ERBIN: variants seen among roughly 807,000 people sequenced by gnomAD.
ERBIN encodes densin-180-like protein.
In ERBIN, 60 loss-of-function variants were observed where a neutral mutation model predicts 158.4. The observed-to-expected ratio is 0.38, with a 90% confidence interval of 0.31 to 0.47. The LOEUF (loss-of-function observed/expected upper bound fraction) is 0.47. Among genes scored for constraint, ERBIN ranks in the 20% least tolerant of loss-of-function variants. The pLI is 0.99. For synonymous variants in ERBIN, 594 were observed against 557.2 expected (o/e 1.07, Z -0.93); for missense variants, 1,610 against 1,648.0 (o/e 0.98, Z 0.40).
In ERBIN at chr5:66,053,847, T is replaced by C. The variant is rs771089551; in HGVS notation, c.2529T>C (p.Cys843=). The C allele has an allele frequency of 6.2e-7, 1 of 1,614,130 alleles. No individual in the cohort carries two copies. Among genetic ancestry groups the C allele is most frequent in the Admixed American group, 1.7e-5 (1 of 60,018 alleles). The part of the protein sequence containing the change: ...PNRTEPHDSD[C]SVDLGISKST... ...GGACTGAACCACATGACAGTGATTG[T>C]TCTGTTGACTTAGGTATTTCCAAAA... is the stretch of plus-strand genomic sequence containing the variant. The change falls in exon 21 of 26, where the codon TGT becomes TGC. Residue 843 remains cysteine (C), a synonymous_variant. Coordinates refer to ENST00000284037, the MANE Select transcript of ERBIN (RefSeq NM_001253697.2).
At chr5:65,957,368 T>G (rs1305690984) in intron 1 of ERBIN, among the ~76,000 whole-genome samples, 1 of 152,176 alleles carries the variant, frequency 6.6e-6, no homozygotes, top group African/African-American at 2.4e-5. Flanking sequence ...CCCTGGGGCC[T>G]TCCGCAGTGT....
chr5:65,996,755 G>T (rs1203666950), intron 4 of ERBIN, among the ~76,000 whole-genome samples: 1 of 152,120 alleles, frequency 6.6e-6, no homozygotes, highest in Admixed American at 6.5e-5. Context: ...TTTGAAGTCC[G>T]TGAACACAGG....
Position 66,080,021 on chromosome 5 carries a change from C to A in ERBIN, c.*1491C>A, listed in dbSNP as rs558022241. On this transcript the variant is annotated 3_prime_UTR_variant, in exon 26 of 26. Coordinates refer to ENST00000284037, the MANE Select transcript of ERBIN (RefSeq NM_001253697.2). ...AAGACCAATAACTGTTTAGTTGAGG[C>A]TAGTCTGGAACCTTTCATTAGAGCA... The A allele has an allele frequency of 2.9e-4, 44 of 152,226 alleles. 1 individual carries two copies. In the Middle Eastern group the frequency reaches 0.024, roughly 82 times the overall value. 9.4% of individuals were successfully genotyped at this position (152,226 alleles called of 1,614,324 possible). A position where few individuals can be genotyped will look rare whatever the true frequency, so the allele number is the denominator to read the frequency against.
chr5:65,993,120 A>G (rs1192507391), intron 3 of ERBIN, among the ~76,000 whole-genome samples: 1 of 152,222 alleles, frequency 6.6e-6, no homozygotes, highest in Non-Finnish European at 1.5e-5. Context: ...ACTTGTGCAG[A>G]TAACGTAAAA....
At chr5:65,930,787 G>C (rs1436191148) in intron 1 of ERBIN, among the ~76,000 whole-genome samples, 4 of 152,044 alleles carry the variant, frequency 2.6e-5, no homozygotes, top group African/African-American at 4.8e-5. Flanking sequence ...ATATTTCTCT[G>C]TTCCTTCTTC....
At chr5:65,962,363 G>A (rs1446983679) in intron 1 of ERBIN, among the ~76,000 whole-genome samples, 1 of 152,128 alleles carries the variant, frequency 6.6e-6, no homozygotes, top group Non-Finnish European at 1.5e-5. Flanking sequence ...CCATCCATAA[G>A]GCTTCATAGT....
chr5:66,020,900 GTTATC>G (rs1372489033), intron 7 of ERBIN, among the ~76,000 whole-genome samples: 1 of 151,944 alleles, frequency 6.6e-6, no homozygotes, highest in Non-Finnish European at 1.5e-5. Flanking sequence ...CGGAGTTACA[GTTATC>G]TTAAAGTCTT....
Position 65,941,081 on chromosome 5 carries a change from T to C in ERBIN, c.-58+14275T>C, listed in dbSNP as rs1399508196. On this transcript the variant is annotated intron_variant, in intron 1 of 25. Coordinates refer to ENST00000284037, the MANE Select transcript of ERBIN (RefSeq NM_001253697.2). Reference sequence around the variant, plus strand: ...TCAGGGTTAAATGGATTAATGGTGGTGCAAGATGTGCTTTGTTAAACAGAT... The same window carrying C: ...TCAGGGTTAAATGGATTAATGGTGGCGCAAGATGTGCTTTGTTAAACAGAT... Among the ~76,000 whole-genome samples the C allele has an allele frequency of 2.0e-5, 3 of 152,130 alleles. No individual in the cohort carries two copies. The East Asian group carries it at 5.8e-4, about 29-fold the overall frequency.
chr5:65,955,417 G>A (rs1746988410), intron 1 of ERBIN, among the ~76,000 whole-genome samples: 1 of 152,268 alleles, frequency 6.6e-6, no homozygotes, highest in South Asian at 2.1e-4. Context: ...ATCACTTGAG[G>A]TCAGGAGTTC....
chr5:65,988,526 A>G (rs1041025147), intron 1 of ERBIN, 109 bp from the exon 2 acceptor site: 2 of 152,220 alleles, frequency 1.3e-5, no homozygotes, highest in Admixed American at 1.3e-4. Flanking sequence ...TTAATTTTTG[A>G]GAAGTTTAAT....
intron 21 of ERBIN, among the ~76,000 whole-genome samples, chr5:66,060,136 T>C (rs140279789): frequency 6.6e-6 from 1 of 152,200 alleles, no homozygotes. Flanking sequence ...CTTGTAACTC[T>C]GGTAGAATTC....
At chr5:66,074,151 A>G (rs1448216827) in intron 22 of ERBIN, among the ~76,000 whole-genome samples, 2 of 150,762 alleles carry the variant, frequency 1.3e-5, no homozygotes, top group Non-Finnish European at 2.9e-5. Flanking sequence ...AGGCCTCCCA[A>G]AATGCTGGGA....
intron 4 of ERBIN, among the ~76,000 whole-genome samples, chr5:66,002,342 A>G (rs886977697): frequency 1.3e-5 from 2 of 152,236 alleles, no homozygotes; most frequent in Non-Finnish European, 2.9e-5. Flanking sequence ...AGCCATTGCA[A>G]ATAGCAACCA....
At chr5:65,971,794 T>TA (rs1749275465) in intron 1 of ERBIN, among the ~76,000 whole-genome samples, 1 of 152,214 alleles carries the variant, frequency 6.6e-6, no homozygotes, top group Non-Finnish European at 1.5e-5. Flanking sequence ...CAGTCCCACT[T>TA]ACATATCCTG....
Position 66,012,035 on chromosome 5 carries a change from T to C in ERBIN, c.308-14T>C. On this transcript the variant is annotated splice_polypyrimidine_tract_variant and intron_variant, in intron 4 of 25. Transcript: ENST00000284037. ...GTAATAGATCTTTTAATTTGATCGT[T>C]GTTTGTTTTCTAGGAATACAGGAGT... is the stretch of plus-strand genomic sequence containing the variant. 1 of 1,519,570 alleles carries C rather than the reference T, an allele frequency of 6.6e-7. No individual in the cohort carries two copies. The highest frequency in any genetic ancestry group is 1.2e-5 in the South Asian group (1 of 85,470). 94.1% of individuals were successfully genotyped at this position (1,519,570 alleles called of 1,614,324 possible). A position where few individuals can be genotyped will look rare whatever the true frequency, so the allele number is the denominator to read the frequency against.
At chr5:66,059,790 G>C (rs528106491) in intron 21 of ERBIN, among the ~76,000 whole-genome samples, 62 of 152,298 alleles carry the variant, frequency 4.1e-4, no homozygotes, top group African/African-American at 1.5e-3. Flanking sequence ...CACCTATTGA[G>C]ATAATGATGT....
intron 1 of ERBIN, among the ~76,000 whole-genome samples, chr5:65,927,911 C>T (rs1742864538): frequency 6.6e-6 from 1 of 151,862 alleles, no homozygotes. Flanking sequence ...ACTTTTTTTC[C>T]CGGTATTTTT....
intron 1 of ERBIN, among the ~76,000 whole-genome samples, chr5:65,961,845 C>T (rs1050938242): frequency 6.6e-6 from 1 of 152,078 alleles, no homozygotes; most frequent in African/African-American, 2.4e-5. Flanking sequence ...CAATTTGACT[C>T]ACATGATTCC....
intron 15 of ERBIN, among the ~76,000 whole-genome samples, chr5:66,041,678 A>G (rs919998024): frequency 1.3e-5 from 2 of 152,082 alleles, no homozygotes; most frequent in Admixed American, 6.6e-5. Flanking sequence ...TGCTTTAGAA[A>G]TAATCTAACA....
Sources: gnomAD v4.1 joint callset for allele counts (sites outside exome capture counted in the v4.1 genomes callset) on GRCh38, gnomAD v4.1.1 for gene constraint, MANE v1.5 for transcripts, NCBI Gene and HGNC (gene_info 2026-07-23, HGNC 2026-07-21) for gene names.